The following UNC79 variants were observed in gnomAD, a reference collection of about 807,000 sequenced individuals.
The protein encoded by UNC79 is protein unc-79 homolog.
A neutral mutation model predicts 283.1 loss-of-function variants in UNC79; 37 were observed. The observed-to-expected ratio is 0.13, with a 90% CI of 0.10 to 0.17. The LOEUF (loss-of-function observed/expected upper bound fraction) is 0.17. UNC79 is among the 10% of genes least tolerant of loss of function. The pLI is 1.00. For synonymous variants in UNC79, 1,107 were observed against 1,200.2 expected, an observed-to-expected ratio of 0.92 and a Z score of 1.61; for missense variants, 2,272 against 3,211.1, an observed-to-expected ratio of 0.71 and a Z score of 7.07.
At position 93,617,439 on chromosome 14, in the gene UNC79, T is replaced by G; in HGVS notation, c.4224+135T>G. 2 of 916,688 alleles carry G rather than the reference T, an allele frequency of 2.2e-6. No individual in the cohort carries two copies. The highest frequency in any genetic ancestry group is 3.2e-6 in the Non-Finnish European group (2 of 629,156). 56.8% of individuals were successfully genotyped at this position (916,688 alleles called of 1,614,324 possible). On this transcript the variant is annotated intron_variant, in intron 28 of 48. Coordinates refer to ENST00000555664, the Ensembl canonical transcript of UNC79. This position sits in a 1 kb window ranked among gnomAD's most constrained non-coding sequence, Gnocchi z 4.5. ...TCAGAAGGAAGATCAGGATATGCAA[T>G]TACTGTTAAGAACCAAAGAGCTATT...
chr14:93,347,059 G>A (rs961126085), intron 1 of UNC79: 6 of 526,596 alleles, frequency 1.1e-5, no homozygotes, highest in African/African-American at 2.0e-5. Context: ...AGTGGAAAGG[G>A]CAGTACAGAG....
At position 93,347,273 on chromosome 14, in the gene UNC79, C is replaced by G. The variant is rs201659311; in HGVS notation, c.-351+13750C>G. On this transcript the variant is annotated intron_variant, in intron 1 of 49. Coordinates refer to the UNC79 transcript ENST00000256339. Reference sequence around the variant, plus strand: ...CTTTGTCTCACCTGACGCGATATGCCTCTCCTGCGTGGGCGCTGTCCTGCC... The same window carrying G: ...CTTTGTCTCACCTGACGCGATATGCGTCTCCTGCGTGGGCGCTGTCCTGCC... The G allele has an allele frequency of 2.6e-5, 42 of 1,604,094 alleles. No individual in the cohort carries two copies. The Middle Eastern group carries it at 5.0e-4, about 19-fold the overall frequency.
chr14:93,473,987 A>G (rs766506466), intron 2 of UNC79, 102 bp from the exon 3 acceptor site: 307 of 1,351,298 alleles, frequency 2.3e-4, no homozygotes, highest in Non-Finnish European at 3.8e-5. Flanking sequence ...CTTATGTGGA[A>G]TGTATCTGGT....
chr14:93,430,847 A>C lies in UNC79; in HGVS notation c.-183A>C. ...GGGGGCGATTTCCTAACCTTCCGGG[A>C]CCGAATTCTGCAATTTGATGTGCGT... On this transcript the variant is annotated 5_prime_UTR_variant, in exon 1 of 49. Transcript: ENST00000555664. This position sits in a 1 kb window ranked among gnomAD's most constrained non-coding sequence, Gnocchi z 4.6. The C allele has an allele frequency of 2.0e-6, 1 of 488,704 alleles. No homozygotes were observed. The allele number at this position is 488,704 out of a possible 1,614,324, so 30.3% of individuals were successfully genotyped here.
intron 1 of UNC79, among the ~76,000 whole-genome samples, chr14:93,372,766 A>C (rs993466519): frequency 6.6e-6 from 1 of 152,224 alleles, no homozygotes; most frequent in African/African-American, 2.4e-5. Context: ...CAGCAGGTAA[A>C]AAATCAGTAA....
intron 39 of UNC79, among the ~76,000 whole-genome samples, chr14:93,661,239 T>G (rs1052427891): frequency 2.0e-5 from 3 of 152,344 alleles, no homozygotes; most frequent in Admixed American, 6.5e-5. Flanking sequence ...AATGGATGAT[T>G]ATGAAGAATT....
intron 27 of UNC79, among the ~76,000 whole-genome samples, chr14:93,613,303 T>C (rs901088124): frequency 1.4e-5 from 2 of 146,304 alleles, no homozygotes; most frequent in Non-Finnish European, 1.5e-5. Context: ...ACTGCATGCG[T>C]GTGTGTGTGT....
At chr14:93,704,773 C>T (rs1566951205) in intron 48 of UNC79, 107 bp downstream of exon 51, 2 of 1,403,306 alleles carry the variant, frequency 1.4e-6, no homozygotes, top group Admixed American at 3.4e-5. Flanking sequence ...ATGAATTCAA[C>T]CTGCTCCTGG....
chr14:93,685,689 C>A (rs147376789), intron 42 of UNC79, among the ~76,000 whole-genome samples: 30 of 152,306 alleles, frequency 2.0e-4, no homozygotes, highest in African/African-American at 7.2e-4. Flanking sequence ...AGGCCTTTAG[C>A]GTAGTATTCA....
At chr14:93,517,193 A>C (rs1348210285) in intron 7 of UNC79, among the ~76,000 whole-genome samples, 122 of 97,988 alleles carry the variant, frequency 1.2e-3, no homozygotes, top group East Asian at 1.9e-3. Context: ...CCCTCTCTCC[A>C]CCCCTCTCTC....
intron 1 of UNC79, among the ~76,000 whole-genome samples, chr14:93,442,994 TG>T (rs2056351667): frequency 1.3e-5 from 2 of 151,738 alleles, no homozygotes; most frequent in East Asian, 3.9e-4. Context: ...GAGGCTGAGG[TG>T]GGCATATCAC....
At chr14:93,456,587 G>T (rs928679321) in intron 1 of UNC79, among the ~76,000 whole-genome samples, 1 of 152,010 alleles carries the variant, frequency 6.6e-6, no homozygotes, top group African/African-American at 2.4e-5. Flanking sequence ...TTTTTCTACT[G>T]CCCCTCCTAA....
At chr14:93,550,504 G>C (rs2061822888) in intron 14 of UNC79, among the ~76,000 whole-genome samples, 1 of 101,764 alleles carries the variant, frequency 9.8e-6, no homozygotes, top group African/African-American at 4.1e-5. Flanking sequence ...GACAGAGCAA[G>C]ACTCCGTATC....
intron 14 of UNC79, among the ~76,000 whole-genome samples, chr14:93,555,313 A>G (rs1477964104): frequency 6.6e-6 from 1 of 152,088 alleles, no homozygotes; most frequent in East Asian, 1.9e-4. Flanking sequence ...CATCACATAC[A>G]TACATGACAC....
At chr14:93,615,720 C>CAAAAAAAA (rs1158073507) in intron 27 of UNC79, among the ~76,000 whole-genome samples, 228 of 22,864 alleles carry the variant, frequency 1.0e-2, no homozygotes, top group Middle Eastern at 0.071. Context: ...GACTCCATCT[C>CAAAAAAAA]AAAAAAAAAA....
rs569284156 is a variant in UNC79 at position 93,527,876 on chromosome 14, A to G, written c.964-682A>G. ...AGATATTGAAATATTCTGATGATCA[A>G]CTGTGAAATTAACACTTTGCATCTC... On this transcript the variant is annotated intron_variant, in intron 8 of 48. Transcript: ENST00000555664. 1.9e-4 allele frequency among the ~76,000 whole-genome samples: 29 copies of G among 152,312 alleles called. No homozygotes were observed. The South Asian group carries it at 5.2e-3, about 27-fold the overall frequency.
At chr14:93,400,212 A>G (rs1024609442) in intron 1 of UNC79, among the ~76,000 whole-genome samples, 2 of 152,222 alleles carry the variant, frequency 1.3e-5, no homozygotes, top group African/African-American at 4.8e-5. Context: ...TTACCTGAGA[A>G]GAAACTAAGG....
At chr14:93,499,522 T>A (rs1438053858) in intron 7 of UNC79, among the ~76,000 whole-genome samples, 1 of 152,180 alleles carries the variant, frequency 6.6e-6, no homozygotes, top group Non-Finnish European at 1.5e-5. Flanking sequence ...CTTACTACAA[T>A]CTAGACATGG....
At chr14:93,625,456 C>G (rs2067494884) in intron 30 of UNC79, among the ~76,000 whole-genome samples, 1 of 152,146 alleles carries the variant, frequency 6.6e-6, no homozygotes, top group Admixed American at 6.5e-5. Context: ...GTGTAGATGA[C>G]ACTCCTGACA....
Sources: gnomAD v4.1 joint callset for allele counts (sites outside exome capture counted in the v4.1 genomes callset) on GRCh38, gnomAD v4.1.1 for gene constraint, Gnocchi (gnomAD v3.1) non-coding constraint, MANE v1.5 for transcripts, NCBI Gene and HGNC (gene_info 2026-07-23, HGNC 2026-07-21) for gene names.